Variants in PDSS1 observed in about 807,000 individuals in gnomAD.
The protein encoded by PDSS1 is all trans-polyprenyl-diphosphate synthase PDSS1.
In PDSS1, 43 loss-of-function variants were observed where a neutral mutation model predicts 57.5. That is an observed-to-expected ratio of 0.75 (90% CI 0.59 to 0.96). PDSS1 has a LOEUF of 0.96. PDSS1 is among the 50% of genes least tolerant of loss of function. PDSS1 has a pLI of 0.00. For synonymous variants in PDSS1, 175 were observed against 191.3 expected, an observed-to-expected ratio of 0.91 and a Z score of 0.70; for missense variants, 438 against 527.8, an observed-to-expected ratio of 0.83 and a Z score of 1.67.
At chr10:26,700,818 C>T (rs559605860) in intron 1 of PDSS1, among the ~76,000 whole-genome samples, 24 of 152,046 alleles carry the variant, frequency 1.6e-4, no homozygotes, top group African/African-American at 5.1e-4. Context: ...GAGAATGGAC[C>T]AATACAGATA....
chr10:26,720,928 G>A (rs1293830783), intron 6 of PDSS1, among the ~76,000 whole-genome samples: 2 of 152,182 alleles, frequency 1.3e-5, no homozygotes, highest in Non-Finnish European at 1.5e-5. Context: ...ATCCTGGGTT[G>A]AAGGATGAGA....
intron 6 of PDSS1, 44 bp from the exon 7 acceptor site, chr10:26,723,762 A>T (rs371300860): frequency 5.1e-5 from 69 of 1,347,774 alleles, no homozygotes; most frequent in Non-Finnish European, 7.3e-5. Flanking sequence ...TACTGCTCTG[A>T]TGGATTTTTC....
chr10:26,714,803 G>A (rs1408698337), intron 5 of PDSS1: 1 of 152,250 alleles, frequency 6.6e-6, no homozygotes, highest in Non-Finnish European at 1.5e-5. Flanking sequence ...AGTTTTCAAA[G>A]CTGAACTAGA....
At chr10:26,735,360 A>G in intron 9 of PDSS1, 40 bp downstream of exon 9, 1 of 1,458,934 alleles carries the variant, frequency 6.9e-7, no homozygotes, top group Non-Finnish European at 9.6e-7. Flanking sequence ...TGGCGTAGTG[A>G]TACAGTCAGC....
rs2132342295 is a variant in PDSS1, at chr10:26,746,695, A to ATT, written c.*223_*224dup. 1.5e-5 allele frequency: 8 copies of ATT among 529,134 alleles called. No homozygotes were observed. The highest frequency in any genetic ancestry group is 1.4e-4 in the South Asian group (7 of 48,970). The allele number at this position is 529,134 out of a possible 1,614,324, so 32.8% of individuals were successfully genotyped here. A position where few individuals can be genotyped will look rare whatever the true frequency, so the allele number is the denominator to read the frequency against. On this transcript the variant is annotated 3_prime_UTR_variant, in exon 12 of 12. Transcript: ENST00000376215. Reference sequence around the variant, plus strand: ...TGAATCTGTCATTCTAGTCCTATAAATTATAATCAAGGTATCTTGATGGTT... The same window carrying ATT: ...TGAATCTGTCATTCTAGTCCTATAAATTTTATAATCAAGGTATCTTGATGGTT...
At chr10:26,729,724 G>C (rs114751852) in intron 8 of PDSS1, among the ~76,000 whole-genome samples, 1 of 151,988 alleles carries the variant, frequency 6.6e-6, no homozygotes, top group Non-Finnish European at 1.5e-5. Flanking sequence ...CTTTCTCTAC[G>C]TATCAGTGTG....
intron 10 of PDSS1, among the ~76,000 whole-genome samples, chr10:26,736,147 C>T (rs1481301064): frequency 6.6e-6 from 1 of 152,156 alleles, no homozygotes. Flanking sequence ...CTTCTTTCTC[C>T]GGATTGAGGG....
intron 2 of PDSS1, among the ~76,000 whole-genome samples, chr10:26,702,416 G>A (rs1417276927): frequency 1.3e-5 from 2 of 152,096 alleles, no homozygotes; most frequent in Non-Finnish European, 2.9e-5. Flanking sequence ...TTGGATCCTG[G>A]GGGCAGATTC....
rs528693323 is a variant in PDSS1 at position 26,735,342 on chromosome 10, A to G, written c.912+22A>G. On this transcript the variant is annotated intron_variant, in intron 9 of 11. Transcript: ENST00000376215. ...TCAGGTTAGTATGCTTTTTATTTGT[A>G]AGAATGGTGGCGTAGTGATACAGTC... The G allele has an allele frequency of 4.5e-6, 7 of 1,543,892 alleles. No homozygotes were observed. In the African/African-American group the frequency reaches 9.5e-5, roughly 21 times the overall value.
intron 8 of PDSS1, among the ~76,000 whole-genome samples, chr10:26,728,576 T>G (rs2132281594): frequency 6.6e-6 from 1 of 152,330 alleles, no homozygotes; most frequent in East Asian, 1.9e-4. Context: ...TCAGATTATG[T>G]AAATATTATT....
chr10:26,717,478 C>T (rs10764637), intron 5 of PDSS1, among the ~76,000 whole-genome samples: 49,264 of 152,154 alleles, frequency 0.32, 8,202 homozygotes, highest in East Asian at 0.42. Flanking sequence ...GTGATCCTCC[C>T]GCCTCGGCGT....
At chr10:26,716,713 T>A (rs556461757) in intron 5 of PDSS1, among the ~76,000 whole-genome samples, 1 of 152,058 alleles carries the variant, frequency 6.6e-6, no homozygotes, top group Non-Finnish European at 1.5e-5. Context: ...GATAATTTTT[T>A]AAATCTAATG....
At chr10:26,730,197 C>T (rs1044510459) in intron 8 of PDSS1, among the ~76,000 whole-genome samples, 1 of 151,626 alleles carries the variant, frequency 6.6e-6, no homozygotes, top group Non-Finnish European at 1.5e-5. Context: ...CAGGTGTGAG[C>T]CACCGCGCCC....
Position 26,735,504 on chromosome 10 carries a change from C to T in PDSS1, c.951C>T (p.Asp317=), listed in dbSNP as rs1431758382. ...DDVLDFTSCS[D]QMGKPTSADL... ...TATTGGACTTCACCTCGTGTTCTGA[C>T]CAGATGGGCAAACCAACATCAGCTG... The change falls in exon 10 of 12, where the codon GAC becomes GAT. Residue 317 remains aspartate, a synonymous_variant. Coordinates refer to ENST00000376215, the MANE Select transcript of PDSS1 (RefSeq NM_014317.5). The T allele has an allele frequency of 5.6e-6, 9 of 1,613,784 alleles. No homozygotes were observed. In the East Asian group the frequency reaches 2.0e-4, roughly 36 times the overall value.
chr10:26,708,501 T>C (rs112227077), intron 4 of PDSS1, among the ~76,000 whole-genome samples: 2,316 of 152,334 alleles, frequency 0.015, 50 homozygotes, highest in African/African-American at 0.052. Flanking sequence ...TTGTTCACGC[T>C]ACCACTGTAT....
intron 6 of PDSS1, among the ~76,000 whole-genome samples, chr10:26,722,004 C>T (rs985630101): frequency 3.9e-5 from 6 of 152,204 alleles, no homozygotes; most frequent in African/African-American, 9.6e-5. Flanking sequence ...CTTGTTAGGC[C>T]TGGCCTGGGC....
chr10:26,708,907 C>T (rs1324439482), intron 4 of PDSS1, among the ~76,000 whole-genome samples: 2 of 152,200 alleles, frequency 1.3e-5, no homozygotes, highest in Non-Finnish European at 2.9e-5. Context: ...CACAGGCTCC[C>T]GACGGCCACT....
At position 26,720,427 on chromosome 10, in the gene PDSS1, C is replaced by A. The variant is rs1835747193; in HGVS notation, c.609+68C>A. 6 of 1,062,494 alleles carry A rather than the reference C, an allele frequency of 5.6e-6. No individual in the cohort carries two copies. In the South Asian group the frequency reaches 7.5e-5, roughly 13 times the overall value. The allele number at this position is 1,062,494 out of a possible 1,614,324, so 65.8% of individuals were successfully genotyped here. A position where few individuals can be genotyped will look rare whatever the true frequency, so the allele number is the denominator to read the frequency against. Reference sequence around the variant, plus strand: ...CACACTTTTCGGACCGCATTTGTTTCTCAGATTTGTCTCATTAAAAATATG... The same window carrying A: ...CACACTTTTCGGACCGCATTTGTTTATCAGATTTGTCTCATTAAAAATATG... On this transcript the variant is annotated intron_variant, in intron 6 of 11. Transcript: ENST00000376215.
intron 1 of PDSS1, among the ~76,000 whole-genome samples, chr10:26,699,649 G>A (rs1013497445): frequency 2.9e-4 from 44 of 152,080 alleles, no homozygotes; most frequent in African/African-American, 1.1e-3. Flanking sequence ...CCCCCTCCTC[G>A]GCCTCCCAAA....
Sources: gnomAD v4.1 joint callset for allele counts (sites outside exome capture counted in the v4.1 genomes callset) on GRCh38, gnomAD v4.1.1 for gene constraint, MANE v1.5 for transcripts, NCBI Gene and HGNC (gene_info 2026-07-23, HGNC 2026-07-21) for gene names.